DUOX1: variants seen among roughly 807,000 people sequenced by gnomAD.
DUOX1 encodes the protein NADPH thyroid oxidase 1.
DUOX1 carries 134 observed loss-of-function variants against 181.8 expected under a neutral mutation model. The observed-to-expected ratio is 0.74, with a 90% CI of 0.64 to 0.85. DUOX1 has a LOEUF of 0.85. Among genes scored for constraint, DUOX1 ranks in the 40% least tolerant of loss-of-function variants. The pLI is 0.00. For missense variants in DUOX1, 1,814 were observed against 2,064.4 expected, an observed-to-expected ratio of 0.88 and a Z score of 2.35; for synonymous variants, 798 against 832.5, an observed-to-expected ratio of 0.96 and a Z score of 0.71.
intron 25 of DUOX1, chr15:45,152,720 CGCCTCACCA>C (rs1896849420): frequency 1.6e-6 from 1 of 609,508 alleles, no homozygotes; most frequent in South Asian, 2.0e-5. Flanking sequence ...CTTTCCAGGG[CGCCTCACCA>C]GCCTCAGCTG....
chr15:45,165,123 A>T lies in DUOX1; in HGVS notation c.*222A>T. On this transcript the variant is annotated 3_prime_UTR_variant, in exon 34 of 34. Transcript: ENST00000389037. ...AATGGTGGGGGGGCAGTGTCTAGGG[A>T]CTAGAGTGAGAAGTAGGGGAGCTAC... The T allele has an allele frequency of 1.7e-6, 1 of 580,672 alleles. No individual in the cohort carries two copies. The highest frequency in any genetic ancestry group is 3.1e-6 in the Non-Finnish European group (1 of 327,168). The allele number at this position is 580,672 out of a possible 1,614,324, so 36.0% of individuals were successfully genotyped here.
chr15:45,151,989 C>G lies in DUOX1; in HGVS notation c.3130C>G (p.His1044Asp). The part of the protein sequence containing the change: ...FKRFIENYRR[H>D]IGCVAVFYAI... ...GCGCTTCATTGAGAACTACCGGCGC[C>G]ACATCGGCTGCGTGGCCGTGTTCTA... The change falls in exon 24 of 34, where the codon CAC becomes GAC. Residue 1044 changes from histidine (H) to aspartate (D), a missense_variant. Physicochemically the swap from His to Asp is moderately conservative, Grantham distance 81. Coordinates refer to ENST00000389037, the MANE Select transcript of DUOX1 (RefSeq NM_175940.3). The G allele has an allele frequency of 1.9e-6, 3 of 1,614,154 alleles. No homozygotes were observed. The highest frequency in any genetic ancestry group is 2.5e-6 in the Non-Finnish European group (3 of 1,180,024).
chr15:45,160,609 G>A (rs1897072628), intron 28 of DUOX1, among the ~76,000 whole-genome samples: 1 of 104,204 alleles, frequency 9.6e-6, no homozygotes, highest in African/African-American at 4.0e-5. Flanking sequence ...GACATCACTT[G>A]GTCTAGGGTG....
chr15:45,139,572 C>T lies in DUOX1; in HGVS notation c.1362C>T (p.Asn454=), dbSNP rs912326022. The stretch of plus-strand genomic sequence containing the variant: ...CCATTACCCGCTGGCAGGACATCAA[C>T]CCTGCACTCTCCCGGAGCAATGACA... ...LSPITRWQDI[N]PALSRSNDTV... The change falls in exon 12 of 34, where the codon AAC becomes AAT. Residue 454 remains asparagine, a synonymous_variant. Transcript: ENST00000389037. 8.1e-6 allele frequency: 13 copies of T among 1,603,830 alleles called. No individual in the cohort carries two copies. The highest frequency in any genetic ancestry group is 4.0e-5 in the African/African-American group (3 of 74,454).
intron 28 of DUOX1, among the ~76,000 whole-genome samples, chr15:45,157,561 T>G (rs1896994985): frequency 2.6e-5 from 4 of 152,246 alleles, no homozygotes; most frequent in South Asian, 2.1e-4. Context: ...GGCTCACATC[T>G]GTAATCCAGC....
intron 31 of DUOX1, among the ~76,000 whole-genome samples, chr15:45,163,182 TGCCCTTTAGCCACTAG>T (rs897910296): frequency 1.3e-5 from 2 of 152,218 alleles, no homozygotes; most frequent in Non-Finnish European, 2.9e-5. Context: ...CTCTGTGAAA[TGCCCTTTAGCCACTAG>T]GTGCCTGGCA....
chr15:45,133,820 C>T lies in DUOX1; in HGVS notation c.59-44C>T, dbSNP rs375609903. Reference sequence around the variant, plus strand: ...TCCGGCAGGCCTGCCTGTCCTCTCACGCACTGACTTGCCCAGCTGCCCCTT... The same window carrying T: ...TCCGGCAGGCCTGCCTGTCCTCTCATGCACTGACTTGCCCAGCTGCCCCTT... On this transcript the variant is annotated intron_variant, in intron 2 of 33. Coordinates refer to ENST00000389037, the MANE Select transcript of DUOX1 (RefSeq NM_175940.3). 1.8e-5 allele frequency: 28 copies of T among 1,567,122 alleles called. No individual in the cohort carries two copies. The African/African-American group carries it at 2.2e-4, about 12-fold the overall frequency.
intron 12 of DUOX1, 73 bp from the exon 13 acceptor site, chr15:45,140,822 C>G (rs1050510273): frequency 1.6e-5 from 24 of 1,490,328 alleles, no homozygotes; most frequent in Non-Finnish European, 2.2e-5. Context: ...GGGGCTAATC[C>G]CTGGGAGCCA....
chr15:45,145,143 T>C (rs1481944381), intron 18 of DUOX1, 63 bp downstream of exon 18: 2 of 1,423,854 alleles, frequency 1.4e-6, no homozygotes, highest in African/African-American at 1.4e-5. Context: ...CATGAGGCCA[T>C]GGGGTGACTC....
chr15:45,130,812 A>T (rs934565270), intron 1 of DUOX1, among the ~76,000 whole-genome samples: 1 of 152,084 alleles, frequency 6.6e-6, no homozygotes, highest in Non-Finnish European at 1.5e-5. Context: ...TCCTGAAGAC[A>T]TGGTGGTGGC....
chr15:45,136,457 G>A (rs754814955), intron 8 of DUOX1, 47 bp downstream of exon 8: 9 of 1,613,912 alleles, frequency 5.6e-6, no homozygotes, highest in African/African-American at 4.0e-5. Flanking sequence ...TGTGTCTTGC[G>A]GGGTGGGGTG....
At position 45,139,438 on chromosome 15, in the gene DUOX1, G is replaced by C; in HGVS notation, c.1228G>C (p.Gly410Arg). Residue 410 changes from glycine to arginine, a missense_variant, in exon 12 of 34, where the codon GGG becomes CGG. Gly to Arg is a moderately radical substitution (Grantham distance 125, BLOSUM62 -2). Coordinates refer to ENST00000389037, the MANE Select transcript of DUOX1 (RefSeq NM_175940.3). ...TATCTTGTCTCCAGATTTCTGGCCT[G>C]GGCCACTGAAGTTTTCCCGCACAGA... is the stretch of plus-strand genomic sequence containing the variant. The part of the protein sequence containing the change: ...LVEDVRDFWP[G>R]PLKFSRTDHL... The C allele has an allele frequency of 6.2e-7, 1 of 1,612,678 alleles. No homozygotes were observed. The highest frequency in any genetic ancestry group is 8.5e-7 in the Non-Finnish European group (1 of 1,179,612).
At chr15:45,149,532 T>A (rs935265064) in intron 21 of DUOX1, among the ~76,000 whole-genome samples, 10 of 151,976 alleles carry the variant, frequency 6.6e-5, no homozygotes, top group African/African-American at 2.2e-4. Context: ...AGATTTTTTT[T>A]ATAAAGATTT....
chr15:45,141,555 G>T, intron 14 of DUOX1, 145 bp downstream of exon 14: 1 of 897,684 alleles, frequency 1.1e-6, no homozygotes, highest in Non-Finnish European at 1.8e-6. Flanking sequence ...GGAACTCCAG[G>T]TGCCAGGGCC....
chr15:45,149,235 T>G (rs1249958096), intron 21 of DUOX1, among the ~76,000 whole-genome samples: 1 of 152,168 alleles, frequency 6.6e-6, no homozygotes, highest in Admixed American at 6.5e-5. Flanking sequence ...GAGGGGCAAG[T>G]TAGATAAGAC....
At chr15:45,144,818 CTG>C in intron 17 of DUOX1, 75 bp from the exon 18 acceptor site, 6 of 1,478,928 alleles carry the variant, frequency 4.1e-6, no homozygotes, top group Non-Finnish European at 4.5e-6. Context: ...AGTGGCCCCT[CTG>C]ACATAATCCA....
chr15:45,137,545 T>C (rs760989201), intron 9 of DUOX1, among the ~76,000 whole-genome samples: 1 of 152,092 alleles, frequency 6.6e-6, no homozygotes, highest in South Asian at 2.1e-4. Context: ...AAATAGACAA[T>C]TGAGTTATTC....
Position 45,151,227 on chromosome 15 carries a change from T to C in DUOX1, c.2993T>C (p.Ile998Thr). 1 of 1,614,104 alleles carries C rather than the reference T, an allele frequency of 6.2e-7. No homozygotes were observed. The highest frequency in any genetic ancestry group is 8.5e-7 in the Non-Finnish European group (1 of 1,179,984). ...CPMDTDPPQE[I>T]RRRFGKKVTS... Reference sequence around the variant, plus strand: ...ATGGACACAGACCCTCCCCAGGAGATTCGGCGGAGGTTTGGCAAGAAGTAT... The same window carrying C: ...ATGGACACAGACCCTCCCCAGGAGACTCGGCGGAGGTTTGGCAAGAAGTAT... Residue 998 changes from isoleucine to threonine, a missense_variant, in exon 23 of 34, where the codon ATT (isoleucine) becomes ACT (threonine). Coordinates refer to ENST00000389037, the MANE Select transcript of DUOX1 (RefSeq NM_175940.3).
At position 45,153,406 on chromosome 15, in the gene DUOX1, A is replaced by G; in HGVS notation, c.3451A>G (p.Asn1151Asp). 6.2e-7 allele frequency: 1 copy of G among 1,613,258 alleles called. No homozygotes were observed. The highest frequency in any genetic ancestry group is 1.1e-5 in the South Asian group (1 of 91,050). Residue 1151 changes from asparagine (N) to aspartate (D), a missense_variant, in exon 26 of 34, where the codon AAT (asparagine) becomes GAT (aspartate). Asn to Asp is a conservative substitution (Grantham distance 23). Transcript: ENST00000389037. ...TVLHSVGHVV[N>D]VYLFSISPLS... ...CTTACACAGTGTGGGCCATGTGGTG[A>G]ATGTGTACCTGTTCTCCATCAGCCC...
Sources: allele counts gnomAD v4.1 joint callset (sites outside exome capture counted in the v4.1 genomes callset), GRCh38; gene constraint gnomAD v4.1.1; transcripts MANE v1.5; gene names NCBI Gene and HGNC (gene_info 2026-07-23, HGNC 2026-07-21).